The following ADGRL2 variants were observed in gnomAD, a reference collection of about 807,000 sequenced individuals.
ADGRL2 encodes adhesion G protein-coupled receptor L2, also known as calcium-independent alpha-latrotoxin receptor 2.
A neutral mutation model predicts 157.4 loss-of-function variants in ADGRL2; 44 were observed. The observed-to-expected ratio is 0.28, with a 90% CI of 0.22 to 0.36. The LOEUF (loss-of-function observed/expected upper bound fraction) is 0.36. Among genes scored for constraint, ADGRL2 ranks in the 10% least tolerant of loss-of-function variants. The pLI is 1.00. For synonymous variants in ADGRL2, 585 were observed against 624.7 expected (o/e 0.94, Z 0.95); for missense variants, 1,510 against 1,768.9 (o/e 0.85, Z 2.63).
intron 1 of ADGRL2, among the ~76,000 whole-genome samples, chr1:81,805,009 T>A (rs709692): frequency 0.71 from 108,102 of 152,028 alleles, 38,508 homozygotes; most frequent in Admixed American, 0.77. Flanking sequence ...AAGTTTTTTT[T>A]AAGTGAAGAT....
chr1:81,741,487 G>C (rs954867), intron 1 of ADGRL2, among the ~76,000 whole-genome samples: 1 of 151,682 alleles, frequency 6.6e-6, no homozygotes. Flanking sequence ...ATTAAATTTC[G>C]TAGAGTATTA....
intron 3 of ADGRL2, among the ~76,000 whole-genome samples, chr1:81,657,174 A>G (rs1191366161): frequency 6.6e-6 from 1 of 152,148 alleles, no homozygotes; most frequent in Admixed American, 6.5e-5. Context: ...TTGAAACCTC[A>G]TCCCTAATGT....
At chr1:81,968,696 TAAG>T (rs1416751529) in intron 14 of ADGRL2, among the ~76,000 whole-genome samples, 4 of 152,168 alleles carry the variant, frequency 2.6e-5, no homozygotes, top group Non-Finnish European at 5.9e-5. Flanking sequence ...AGAAATATTT[TAAG>T]AAGTGTAGCA....
rs1476800075 is a variant in ADGRL2 at position 81,970,429 on chromosome 1, A to T, written c.2849A>T (p.Glu950Val). ...YLMLVEVFES[E>V]YSRKKYYYVA... Reference sequence around the variant, plus strand: ...ATGTTAGTTGAAGTTTTTGAAAGTGAATATTCAAGGAAAAAATATTACTAT... The same window carrying T: ...ATGTTAGTTGAAGTTTTTGAAAGTGTATATTCAAGGAAAAAATATTACTAT... Residue 950 changes from glutamate to valine, a missense_variant, in exon 16 of 24, where the codon GAA becomes GTA. By Grantham distance (121) the Glu-to-Val change is moderately radical (BLOSUM62 -2). Coordinates refer to ENST00000686636, the MANE Select transcript of ADGRL2 (RefSeq NM_001366006.2). 2 of 1,560,398 alleles carry T rather than the reference A, an allele frequency of 1.3e-6. No homozygotes were observed. The highest frequency in any genetic ancestry group is 1.7e-6 in the Non-Finnish European group (2 of 1,159,648).
At chr1:81,428,982 G>A (rs1275197800) in intron 1 of ADGRL2, among the ~76,000 whole-genome samples, 2 of 152,116 alleles carry the variant, frequency 1.3e-5, no homozygotes, top group Non-Finnish European at 2.9e-5. Context: ...GAGCCACCAC[G>A]ATGTTCTGAG....
In ADGRL2 at chr1:81,825,931, CAGAA is replaced by C. The variant is rs1189431545; in HGVS notation, c.-100-10946_-100-10943del. 8.6e-5 allele frequency among the ~76,000 whole-genome samples: 13 copies of C among 151,966 alleles called. No individual in the cohort carries two copies. The South Asian group carries it at 1.7e-3, about 19-fold the overall frequency. On this transcript the variant is annotated intron_variant, in intron 1 of 23. Transcript: ENST00000686636. ...CAGCTTTGAGATTTTTGCAGATGTT[CAGAA>C]AGAAAGATGTTAGGACAGAGGGATT...
chr1:81,973,662 GCACAC>G, intron 17 of ADGRL2, among the ~76,000 whole-genome samples: 1 of 152,148 alleles, frequency 6.6e-6, no homozygotes, highest in African/African-American at 2.4e-5. Context: ...TTATAGTAGA[GCACAC>G]TATTACTTTA....
chr1:81,490,188 A>G (rs1168903077), intron 2 of ADGRL2, among the ~76,000 whole-genome samples: 1 of 150,126 alleles, frequency 6.7e-6, no homozygotes, highest in African/African-American at 2.5e-5. Context: ...CTAGAGTGCA[A>G]TGGCACGATC....
intron 17 of ADGRL2, among the ~76,000 whole-genome samples, chr1:81,978,214 C>A (rs1029130429): frequency 6.6e-6 from 1 of 151,594 alleles, no homozygotes; most frequent in Non-Finnish European, 1.5e-5. Flanking sequence ...GAAATTGTGT[C>A]TTACCTCATC....
chr1:81,629,705 A>G (rs961610153), intron 3 of ADGRL2, among the ~76,000 whole-genome samples: 1 of 150,400 alleles, frequency 6.6e-6, no homozygotes, highest in African/African-American at 2.5e-5. Context: ...GTGTATGTAG[A>G]TATATGTATA....
chr1:81,666,512 T>A (rs149772383), intron 3 of ADGRL2, among the ~76,000 whole-genome samples: 102 of 152,298 alleles, frequency 6.7e-4, no homozygotes, highest in African/African-American at 7.5e-4. Flanking sequence ...CTTATTAATT[T>A]ATTTATTTAT....
intron 2 of ADGRL2, among the ~76,000 whole-genome samples, chr1:81,853,093 T>G (rs1386212031): frequency 6.6e-6 from 1 of 152,128 alleles, no homozygotes; most frequent in Non-Finnish European, 1.5e-5. Context: ...ACTGCATTCT[T>G]TTGGGGTATC....
intron 3 of ADGRL2, among the ~76,000 whole-genome samples, chr1:81,933,275 A>G (rs2095262038): frequency 6.6e-6 from 1 of 152,180 alleles, no homozygotes; most frequent in South Asian, 2.1e-4. Flanking sequence ...GTTCTCATTC[A>G]TACCGATTTT....
chr1:81,344,682 A>AAAAAAAAAAAAAAAT (rs1557613386), intron 1 of ADGRL2, among the ~76,000 whole-genome samples: 2 of 147,118 alleles, frequency 1.4e-5, no homozygotes, highest in Admixed American at 6.9e-5. Flanking sequence ...AAAAAAAAAA[A>AAAAAAAAAAAAAAAT]AAAAAAAAGC....
intron 1 of ADGRL2, among the ~76,000 whole-genome samples, chr1:81,730,729 A>G (rs971119548): frequency 2.4e-5 from 2 of 84,146 alleles, no homozygotes; most frequent in Non-Finnish European, 4.7e-5. Context: ...TCTCAAAAAG[A>G]AAAAAAAAAA....
chr1:81,935,089 C>T (rs1012878870), intron 3 of ADGRL2, among the ~76,000 whole-genome samples: 1 of 151,860 alleles, frequency 6.6e-6, no homozygotes. Context: ...GTAAACCTAC[C>T]TCTTGTCTTG....
chr1:81,939,948 C>G (rs1023057330), intron 4 of ADGRL2, among the ~76,000 whole-genome samples: 2 of 151,018 alleles, frequency 1.3e-5, no homozygotes, highest in African/African-American at 4.8e-5. Context: ...TTGAGTGTTA[C>G]TTACTTTTCA....
intron 17 of ADGRL2, among the ~76,000 whole-genome samples, chr1:81,977,190 C>T (rs1168124492): frequency 2.0e-5 from 3 of 151,802 alleles, no homozygotes; most frequent in Admixed American, 6.6e-5. Context: ...CCTGCTACCA[C>T]TGTATATAGG....
intron 3 of ADGRL2, among the ~76,000 whole-genome samples, chr1:81,657,147 C>T (rs2082552605): frequency 6.6e-6 from 1 of 152,000 alleles, no homozygotes; most frequent in African/African-American, 2.4e-5. Context: ...TATTTGTGTC[C>T]TTCCAAAACT....
Sources: allele counts gnomAD v4.1 joint callset (sites outside exome capture counted in the v4.1 genomes callset), GRCh38; gene constraint gnomAD v4.1.1; transcripts MANE v1.5; gene names NCBI Gene and HGNC (gene_info 2026-07-23, HGNC 2026-07-21).